HIVEP2: variants seen among roughly 807,000 people sequenced by gnomAD.
The protein encoded by HIVEP2 is transcription factor HIVEP2.
A neutral mutation model predicts 180.7 loss-of-function variants in HIVEP2; 14 were observed. That is an observed-to-expected ratio of 0.08 (90% CI 0.05 to 0.12). The LOEUF is 0.12. Ranked by LOEUF, HIVEP2 falls within the 10% of genes least tolerant of loss-of-function variation. The pLI is 1.00. For synonymous variants in HIVEP2, 1,184 were observed against 1,136.4 expected, an observed-to-expected ratio of 1.04 and a Z score of -0.84; for missense variants, 2,579 against 3,008.5, an observed-to-expected ratio of 0.86 and a Z score of 3.34.
chr6:142,759,575 A>G (rs999530619), intron 9 of HIVEP2, among the ~76,000 whole-genome samples, 197 bp downstream of exon 9: 4 of 152,210 alleles, frequency 2.6e-5, no homozygotes, highest in African/African-American at 9.6e-5. Context: ...CTGATGCAAT[A>G]CTACACTTTA....
At chr6:142,874,856 T>C (rs1250550907) in intron 1 of HIVEP2, among the ~76,000 whole-genome samples, 1 of 152,114 alleles carries the variant, frequency 6.6e-6, no homozygotes, top group African/African-American at 2.4e-5. Context: ...AGAGGTCCCC[T>C]GTCCTGACAC....
At chr6:142,844,547 G>C (rs1775456744) in intron 1 of HIVEP2, among the ~76,000 whole-genome samples, 1 of 152,100 alleles carries the variant, frequency 6.6e-6, no homozygotes, top group Non-Finnish European at 1.5e-5. Flanking sequence ...CTATGGTTTA[G>C]CCACAGTTAC....
intron 1 of HIVEP2, among the ~76,000 whole-genome samples, chr6:142,881,185 A>G (rs566101800): frequency 1.3e-5 from 2 of 152,214 alleles, no homozygotes; most frequent in Non-Finnish European, 2.9e-5. Context: ...CTCCACTCAT[A>G]TAAAACTAAC....
intron 1 of HIVEP2, among the ~76,000 whole-genome samples, chr6:142,876,247 G>A (rs1290638136): frequency 6.6e-6 from 1 of 152,134 alleles, no homozygotes; most frequent in Non-Finnish European, 1.5e-5. Flanking sequence ...TAAATTTGAG[G>A]AGTTTTGGTG....
intron 1 of HIVEP2, among the ~76,000 whole-genome samples, chr6:142,877,417 A>AT (rs1776471197): frequency 6.6e-6 from 1 of 152,196 alleles, no homozygotes; most frequent in South Asian, 2.1e-4. Flanking sequence ...CACAATACAA[A>AT]TTTTTATTTA....
intron 1 of HIVEP2, among the ~76,000 whole-genome samples, chr6:142,853,657 C>T (rs558713166): frequency 3.9e-5 from 6 of 152,146 alleles, no homozygotes; most frequent in Non-Finnish European, 7.3e-5. Context: ...GGATATGAAA[C>T]TGCCTTTTCC....
intron 2 of HIVEP2, among the ~76,000 whole-genome samples, chr6:142,824,103 T>C (rs572555411): frequency 6.6e-6 from 1 of 152,284 alleles, no homozygotes; most frequent in Admixed American, 6.5e-5. Flanking sequence ...CATGCTTAAA[T>C]CCTTTAGGTC....
intron 1 of HIVEP2, among the ~76,000 whole-genome samples, chr6:142,857,795 T>C (rs922200632): frequency 6.6e-6 from 1 of 152,244 alleles, no homozygotes; most frequent in Non-Finnish European, 1.5e-5. Flanking sequence ...GTCGGATTTG[T>C]TCTTTCCACA....
chr6:142,833,199 T>TC (rs1161172368), intron 2 of HIVEP2, among the ~76,000 whole-genome samples: 1 of 152,176 alleles, frequency 6.6e-6, no homozygotes, highest in African/African-American at 2.4e-5. Context: ...CCATGAAGCC[T>TC]CCGGTCCCTT....
At chr6:142,873,182 T>A (rs1776338969) in intron 1 of HIVEP2, among the ~76,000 whole-genome samples, 1 of 152,196 alleles carries the variant, frequency 6.6e-6, no homozygotes, top group South Asian at 2.1e-4. Flanking sequence ...GCAGTATATG[T>A]ACCAAGAGCT....
chr6:142,787,566 C>CAAA (rs5880546), intron 2 of HIVEP2, among the ~76,000 whole-genome samples: 2 of 118,226 alleles, frequency 1.7e-5, no homozygotes, highest in Admixed American at 9.0e-5. Flanking sequence ...TTCCTCTCTA[C>CAAA]AAAAAAAAAA....
At chr6:142,823,979 A>G (rs765701937) in intron 2 of HIVEP2, among the ~76,000 whole-genome samples, 8 of 152,204 alleles carry the variant, frequency 5.3e-5, no homozygotes, top group African/African-American at 7.2e-5. Flanking sequence ...GATATTTTGT[A>G]AGAAAAATCC....
In HIVEP2 at chr6:142,773,711, T is replaced by C. The variant is rs369978611; in HGVS notation, c.1028A>G (p.Gln343Arg). The C allele has an allele frequency of 2.7e-5, 43 of 1,614,150 alleles. No homozygotes were observed. The Middle Eastern group carries it at 4.9e-4, about 19-fold the overall frequency. ...TGGTAGCATATCAGGGCCAATATACTGAGAGCTTTCATTAGGGAGAGGAAT... is the reference window on the plus strand; with the variant it reads ...TGGTAGCATATCAGGGCCAATATACCGAGAGCTTTCATTAGGGAGAGGAAT... ...SGIPLPNESS[Q>R]YIGPDMLPNP... The change falls in exon 5 of 10, where the codon CAG (glutamine) becomes CGG (arginine). Residue 343 changes from glutamine to arginine, a missense_variant. Gln to Arg is a conservative substitution (Grantham distance 43). Around this residue, in one of 11 missense-constraint regions of HIVEP2, gnomAD observed 142 missense variants for 135.2 expected, o/e 1.05. Transcript: ENST00000367603.
chr6:142,881,162 C>T (rs1776566579), intron 1 of HIVEP2, among the ~76,000 whole-genome samples: 1 of 152,132 alleles, frequency 6.6e-6, no homozygotes, highest in Admixed American at 6.5e-5. Context: ...GCCATGTGGC[C>T]TTATGAATAC....
rs1304849154 is a variant in HIVEP2, at chr6:142,772,392, A to C, written c.2347T>G (p.Ser783Ala). Residue 783 changes from serine to alanine, a missense_variant, in exon 5 of 10, where the codon TCA becomes GCA. Physicochemically the swap from Ser to Ala is moderately conservative, Grantham distance 99. Around this residue, in one of 11 missense-constraint regions of HIVEP2, gnomAD observed 524 missense variants for 563.6 expected, o/e 0.93. Transcript: ENST00000367603. The surrounding 1 kb of genome is among the most constrained non-coding windows in gnomAD (Gnocchi z 4.9). Reference sequence around the variant, plus strand: ...CCCCCTAGGTCTGACATCTTGTCTGAATCAATGGCTGAAGGTGACTCCTCT... The same window carrying C: ...CCCCCTAGGTCTGACATCTTGTCTGCATCAATGGCTGAAGGTGACTCCTCT... ...VSEESPSAID[S>A]DKMSDLGGRK... The C allele has an allele frequency of 6.2e-7, 1 of 1,614,200 alleles. No individual in the cohort carries two copies. Among genetic ancestry groups the C allele is most frequent in the Admixed American group, 1.7e-5 (1 of 60,030 alleles).
rs1350928353 is a variant in HIVEP2, at chr6:142,853,818, G to A, written c.-640-16771C>T. Among the ~76,000 whole-genome samples the A allele has an allele frequency of 3.9e-5, 6 of 152,304 alleles. No individual in the cohort carries two copies. The South Asian group carries it at 8.3e-4, about 21-fold the overall frequency. On this transcript the variant is annotated intron_variant, in intron 1 of 9. Transcript: ENST00000367603. ...AGCAGTGGTGGTCCAGGCATTGGTA[G>A]CAGCAGAGATGGCAGAAGAATGGAA...
At chr6:142,765,203 G>A (rs146920144) in intron 6 of HIVEP2, among the ~76,000 whole-genome samples, 4 of 152,276 alleles carry the variant, frequency 2.6e-5, no homozygotes, top group Non-Finnish European at 5.9e-5. Context: ...AATTCAAAAT[G>A]GAATTGGCTT....
chr6:142,854,661 A>C (rs1202837509), intron 1 of HIVEP2, among the ~76,000 whole-genome samples: 1 of 152,118 alleles, frequency 6.6e-6, no homozygotes, highest in East Asian at 1.9e-4. Flanking sequence ...CCTGAATGTA[A>C]CTGAAATTTT....
chr6:142,864,588 C>T (rs1484604917), intron 1 of HIVEP2, among the ~76,000 whole-genome samples: 1 of 152,178 alleles, frequency 6.6e-6, no homozygotes, highest in Non-Finnish European at 1.5e-5. Context: ...CTACACAAGA[C>T]ACTTGTTCAC....
Sources: allele counts gnomAD v4.1 joint callset (sites outside exome capture counted in the v4.1 genomes callset), GRCh38; gene constraint gnomAD v4.1.1; regional missense constraint gnomAD v4.1.1; non-coding constraint Gnocchi (gnomAD v3.1); transcripts MANE v1.5; gene names NCBI Gene and HGNC (gene_info 2026-07-23, HGNC 2026-07-21).